The following PARD3B variants were observed in gnomAD, a reference collection of about 807,000 sequenced individuals.
PARD3B encodes the protein par-3 family cell polarity regulator beta.
Under a neutral mutation model 130.2 loss-of-function variants are expected in PARD3B, and 103 were observed. The ratio of observed to expected loss-of-function variants is 0.79; its 90% CI spans 0.67 to 0.93. The LOEUF (loss-of-function observed/expected upper bound fraction) is 0.93, where lower values mean the gene tolerates loss of function less well. PARD3B is among the 40% of genes least tolerant of loss of function. PARD3B has a pLI of 0.00. For missense variants in PARD3B, 1,609 were observed against 1,499.2 expected (o/e 1.07, Z -1.21); for synonymous variants, 583 against 553.2 (o/e 1.05, Z -0.76).
chr2:205,585,627 C>T lies in PARD3B; in HGVS notation c.3261-29829C>T, dbSNP rs887687013. ...CCAGCTCTCCTAACAGCTGAAACAA[C>T]AAAGCGGGACATGGAAACATGTTCA... On this transcript the variant is annotated intron_variant, in intron 22 of 22. Transcript: ENST00000406610. This position sits in a 1 kb window ranked among gnomAD's most constrained non-coding sequence, Gnocchi z 5.4. Among the ~76,000 whole-genome samples, 1 of 152,162 alleles carries T rather than the reference C, an allele frequency of 6.6e-6. No individual in the cohort carries two copies. Among genetic ancestry groups the T allele is most frequent in the Non-Finnish European group, 1.5e-5 (1 of 68,046 alleles).
chr2:205,128,019 A>T lies in PARD3B; in HGVS notation c.1434+2282A>T, dbSNP rs536499657. 6.6e-6 allele frequency among the ~76,000 whole-genome samples: 1 copy of T among 152,336 alleles called. No individual in the cohort carries two copies. Among genetic ancestry groups the T allele is most frequent in the Non-Finnish European group, 1.5e-5 (1 of 68,034 alleles). ...GGCAGTTATGTGTATGCACCACAAG[A>T]GGCCCTTTCATTTCTTGTCTGATAT... On this transcript the variant is annotated intron_variant, in intron 10 of 22. Transcript: ENST00000406610. The surrounding 1 kb of genome is among the most constrained non-coding windows in gnomAD (Gnocchi z 4.5).
At chr2:204,895,048 A>G (rs774730635) in intron 2 of PARD3B, among the ~76,000 whole-genome samples, 9 of 121,278 alleles carry the variant, frequency 7.4e-5, no homozygotes, top group South Asian at 2.2e-4. Flanking sequence ...TTAAGGAGAA[A>G]GACCTACCAA....
At chr2:205,117,916 TACAC>T (rs745919031) in intron 6 of PARD3B, among the ~76,000 whole-genome samples, 1 of 20,376 alleles carries the variant, frequency 4.9e-5, no homozygotes, top group African/African-American at 7.6e-5. Context: ...TGTATGTGTG[TACAC>T]ACACACACAC....
At position 204,906,609 on chromosome 2, in the gene PARD3B, C is replaced by T. The variant is rs1366008875; in HGVS notation, c.223-58543C>T. On this transcript the variant is annotated intron_variant, in intron 2 of 22. Transcript: ENST00000406610. This position sits in a 1 kb window ranked among gnomAD's most constrained non-coding sequence, Gnocchi z 4.3. ...TTCCCTTATGTTGGTAATTTAGCAA[C>T]CATTGTTCTGTTTGATAACCACAGC... 6.6e-6 allele frequency among the ~76,000 whole-genome samples: 1 copy of T among 152,146 alleles called. No individual in the cohort carries two copies. Among genetic ancestry groups the T allele is most frequent in the Non-Finnish European group, 1.5e-5 (1 of 68,020 alleles).
chr2:205,261,762 C>A (rs2040321952), intron 16 of PARD3B, among the ~76,000 whole-genome samples: 1 of 152,088 alleles, frequency 6.6e-6, no homozygotes, highest in African/African-American at 2.4e-5. Context: ...CACAAAGGAG[C>A]TTTTATCAGA....
At chr2:205,544,631 A>C (rs1251884183) in intron 21 of PARD3B, among the ~76,000 whole-genome samples, 1 of 152,214 alleles carries the variant, frequency 6.6e-6, no homozygotes, top group Non-Finnish European at 1.5e-5. Flanking sequence ...TCAGGTTATT[A>C]AGATGCCATA....
chr2:204,745,987 T>C (rs967503351), intron 2 of PARD3B, among the ~76,000 whole-genome samples: 2 of 151,932 alleles, frequency 1.3e-5, no homozygotes, highest in Non-Finnish European at 2.9e-5. Flanking sequence ...TTTTTCTTTT[T>C]TTTTTTATTA....
intron 15 of PARD3B, among the ~76,000 whole-genome samples, chr2:205,195,556 A>G (rs945718281): frequency 6.6e-5 from 10 of 152,228 alleles, no homozygotes; most frequent in African/African-American, 2.4e-4. Context: ...GTGATACCGC[A>G]ATGGTAAACA....
intron 16 of PARD3B, among the ~76,000 whole-genome samples, chr2:205,273,053 G>A (rs1167190715): frequency 2.0e-5 from 3 of 152,184 alleles, no homozygotes; most frequent in African/African-American, 7.2e-5. Context: ...AATACCTGAA[G>A]TAATTGGAAA....
chr2:205,330,714 C>G (rs1209681137), intron 18 of PARD3B, among the ~76,000 whole-genome samples: 1 of 152,144 alleles, frequency 6.6e-6, no homozygotes, highest in African/African-American at 2.4e-5. Context: ...CCTATGTGAC[C>G]TACAGAGGAA....
chr2:205,066,758 G>A (rs769673113), intron 4 of PARD3B, among the ~76,000 whole-genome samples: 3 of 151,904 alleles, frequency 2.0e-5, no homozygotes, highest in Non-Finnish European at 2.9e-5. Flanking sequence ...TCATTTTGAC[G>A]GTTTTTCTTC....
chr2:204,825,621 C>T (rs1185220259), intron 2 of PARD3B, among the ~76,000 whole-genome samples: 2 of 152,158 alleles, frequency 1.3e-5, no homozygotes, highest in Non-Finnish European at 2.9e-5. Flanking sequence ...TTTATTCTTA[C>T]CTGAGGATCT....
At chr2:204,597,412 T>C (rs1298819231) in intron 1 of PARD3B, among the ~76,000 whole-genome samples, 1 of 152,222 alleles carries the variant, frequency 6.6e-6, no homozygotes, top group Non-Finnish European at 1.5e-5. Context: ...TTTTAAATTT[T>C]CTTGCCTGTC....
At chr2:204,654,212 C>G (rs921942484) in intron 1 of PARD3B, among the ~76,000 whole-genome samples, 1 of 151,128 alleles carries the variant, frequency 6.6e-6, no homozygotes, top group Non-Finnish European at 1.5e-5. Flanking sequence ...CTGTGTTCAT[C>G]TAATACCTTT....
chr2:204,592,302 C>G (rs2033107157), intron 1 of PARD3B, among the ~76,000 whole-genome samples: 1 of 152,200 alleles, frequency 6.6e-6, no homozygotes, highest in African/African-American at 2.4e-5. Context: ...AGTCTTATGA[C>G]CTAGTGGACG....
chr2:204,621,412 A>G (rs2034298801), intron 1 of PARD3B, among the ~76,000 whole-genome samples: 1 of 152,170 alleles, frequency 6.6e-6, no homozygotes, highest in African/African-American at 2.4e-5. Flanking sequence ...AAGTTCTATA[A>G]ACTTAGTTTA....
intron 2 of PARD3B, among the ~76,000 whole-genome samples, chr2:204,923,864 A>G (rs1006945595): frequency 3.3e-5 from 5 of 152,036 alleles, no homozygotes; most frequent in Non-Finnish European, 7.4e-5. Context: ...ATTATAGTCA[A>G]TTTCAGTTGC....
At chr2:204,619,358 A>G (rs2034218093) in intron 1 of PARD3B, among the ~76,000 whole-genome samples, 1 of 152,194 alleles carries the variant, frequency 6.6e-6, no homozygotes, top group Admixed American at 6.5e-5. Context: ...CAGCATACAG[A>G]GCTGTTCTTT....
At chr2:204,574,766 C>A (rs1356533552) in intron 1 of PARD3B, among the ~76,000 whole-genome samples, 1 of 152,120 alleles carries the variant, frequency 6.6e-6, no homozygotes, top group Non-Finnish European at 1.5e-5. Context: ...TCTTCTGTAT[C>A]ATGTCTGTGT....
Sources: allele counts gnomAD v4.1 joint callset (sites outside exome capture counted in the v4.1 genomes callset), GRCh38; gene constraint gnomAD v4.1.1; non-coding constraint Gnocchi (gnomAD v3.1); transcripts MANE v1.5; gene names NCBI Gene and HGNC (gene_info 2026-07-23, HGNC 2026-07-21).